Variants in PTPRQ observed in about 807,000 individuals in gnomAD.
PTPRQ encodes the protein protein tyrosine phosphatase receptor type Q, also known as phosphatidylinositol phosphatase PTPRQ.
In PTPRQ, 199 loss-of-function variants were observed where a neutral mutation model predicts 246.0. That is an observed-to-expected ratio of 0.81 (90% confidence interval 0.72 to 0.91). PTPRQ has a LOEUF of 0.91. Ranked by LOEUF, PTPRQ falls within the 40% of genes least tolerant of loss-of-function variation. The probability of loss-of-function intolerance (pLI) is 0.00; values close to 1 mark genes in which losing one functional copy is unlikely to be tolerated. For missense variants in PTPRQ, 2,624 were observed against 2,528.4 expected (o/e 1.04, Z -0.81); for synonymous variants, 869 against 853.2 (o/e 1.02, Z -0.32).
intron 25 of PTPRQ, among the ~76,000 whole-genome samples, chr12:80,566,414 G>T (rs374918651): frequency 5.3e-5 from 8 of 152,036 alleles, no homozygotes; most frequent in East Asian, 1.9e-4. Flanking sequence ...GGAGGCGGAG[G>T]TTGCAGTGAG....
chr12:80,576,456 GA>G (rs11317876), intron 25 of PTPRQ, among the ~76,000 whole-genome samples: 2,462 of 142,348 alleles, frequency 0.017, 99 homozygotes, highest in East Asian at 0.15. Flanking sequence ...GTTTTTAGAA[GA>G]AAAAAAAAAA....
chr12:80,583,274 C>T (rs919728898), intron 25 of PTPRQ, among the ~76,000 whole-genome samples: 2 of 152,168 alleles, frequency 1.3e-5, no homozygotes, highest in African/African-American at 4.8e-5. Flanking sequence ...GAGAGAAAAT[C>T]TGTTATGTAC....
intron 25 of PTPRQ, among the ~76,000 whole-genome samples, chr12:80,556,644 C>T (rs1896654849): frequency 6.6e-6 from 1 of 151,928 alleles, no homozygotes; most frequent in South Asian, 2.1e-4. Context: ...AAGAACATTC[C>T]TCTTTTATTG....
chr12:80,549,566 T>C lies in PTPRQ; in HGVS notation c.4117T>C (p.Tyr1373His), dbSNP rs921353701. Residue 1373 changes from tyrosine (Y) to histidine (H), a missense_variant, in exon 25 of 45, where the codon TAT (tyrosine) becomes CAT (histidine). Transcript: ENST00000644991. ...PKKANGIITQ[Y>H]MVTVERNSTK... is the part of the protein sequence containing the mutation. ...AAAGGCAAATGGAATAATAACGCAG[T>C]ATATGGTAACAGTTGAAAGGAATTC... 7.1e-6 allele frequency: 11 copies of C among 1,551,062 alleles called. No individual in the cohort carries two copies. Among genetic ancestry groups the C allele is most frequent in the Non-Finnish European group, 8.7e-6 (10 of 1,146,622 alleles).
intron 3 of PTPRQ, among the ~76,000 whole-genome samples, chr12:80,454,150 C>G (rs557893833): frequency 1.5e-5 from 2 of 132,258 alleles, no homozygotes; most frequent in East Asian, 4.1e-4. Flanking sequence ...AGGCAGACTC[C>G]GTGGGGGTAA....
rs1236689537 is a variant in PTPRQ at position 80,541,550 on chromosome 12, C to A, written c.3155-5C>A. On this transcript the variant is annotated splice_region_variant and splice_polypyrimidine_tract_variant and intron_variant, in intron 20 of 44. Coordinates refer to ENST00000644991, the MANE Select transcript of PTPRQ (RefSeq NM_001145026.2). ...TTTTTGTATTTTGCCCATTACCTAT[C>A]ATAGTACCTGAAGGGTTTGTTGGAA... 1.8e-5 allele frequency: 27 copies of A among 1,488,572 alleles called. No individual in the cohort carries two copies. The highest frequency in any genetic ancestry group is 2.3e-5 in the Non-Finnish European group (26 of 1,116,966). 92.2% of individuals were successfully genotyped at this position (1,488,572 alleles called of 1,614,324 possible). A position where few individuals can be genotyped will look rare whatever the true frequency, so the allele number is the denominator to read the frequency against.
At chr12:80,477,044 T>A (rs1413719949) in intron 8 of PTPRQ, among the ~76,000 whole-genome samples, 3 of 152,200 alleles carry the variant, frequency 2.0e-5, no homozygotes, top group Non-Finnish European at 2.9e-5. Context: ...CCGTTACTCC[T>A]GTGAAACTGG....
At position 80,535,226 on chromosome 12, in the gene PTPRQ, GACAC is replaced by G. The variant is rs5799482; in HGVS notation, c.2985+207_2985+210del. Among the ~76,000 whole-genome samples, 138,543 of 151,274 alleles carry G rather than the reference GACAC, an allele frequency of 0.92. 63,833 individuals are homozygous for G. Among genetic ancestry groups the G allele is most frequent in the African/African-American group, 0.95 (39,365 of 41,352 alleles). ...CAGATACATTTAATCTCTCTTTACA[GACAC>G]ACACACACACACACACATACAACTT... On this transcript the variant is annotated intron_variant, in intron 19 of 44. Coordinates refer to ENST00000644991, the MANE Select transcript of PTPRQ (RefSeq NM_001145026.2).
Position 80,549,703 on chromosome 12 carries a change from C to T in PTPRQ, c.4254C>T (p.Ser1418=), listed in dbSNP as rs916172877. 1 of 1,550,604 alleles carries T rather than the reference C, an allele frequency of 6.4e-7. No homozygotes were observed. The highest frequency in any genetic ancestry group is 1.2e-5 in the South Asian group (1 of 83,930). The change falls in exon 25 of 45, where the codon AGC becomes AGT. Residue 1418 remains serine, a synonymous_variant. Coordinates refer to ENST00000644991, the MANE Select transcript of PTPRQ (RefSeq NM_001145026.2). ...ASTSAGEGDE[S]TCHVSTLPET... is the part of the protein sequence containing the mutation. ...CCTCAGCTGGTGAAGGTGATGAAAG[C>T]ACATGCCATGTCAGCACACTACCTG...
At position 80,658,020 on chromosome 12, in the gene PTPRQ, A is replaced by G; in HGVS notation, c.6151A>G (p.Ser2051Gly). Reference sequence around the variant, plus strand: ...CAGAGTAAAGCTGATAGCTGACGCTAGTGTTCCAGGTTCGGATTATATTAA... The same window carrying G: ...CAGAGTAAAGCTGATAGCTGACGCTGGTGTTCCAGGTTCGGATTATATTAA... ...NNRVKLIADASVPGSDYINAS... is the reference protein window; with the variant it reads ...NNRVKLIADAGVPGSDYINAS... The change falls in exon 39 of 45, where the codon AGT becomes GGT. Residue 2051 changes from serine (S) to glycine (G), a missense_variant. Ser to Gly is a moderately conservative substitution (Grantham distance 56, BLOSUM62 0). Coordinates refer to ENST00000644991, the MANE Select transcript of PTPRQ (RefSeq NM_001145026.2). 2 of 1,442,936 alleles carry G rather than the reference A, an allele frequency of 1.4e-6. No homozygotes were observed. Among genetic ancestry groups the G allele is most frequent in the Non-Finnish European group, 1.8e-6 (2 of 1,095,538 alleles). 89.4% of individuals were successfully genotyped at this position (1,442,936 alleles called of 1,614,324 possible).
chr12:80,560,239 T>C (rs1224565796), intron 25 of PTPRQ, among the ~76,000 whole-genome samples: 1 of 152,188 alleles, frequency 6.6e-6, no homozygotes. Context: ...AGCTCTTTGA[T>C]TTTGTCAAAG....
intron 25 of PTPRQ, among the ~76,000 whole-genome samples, chr12:80,554,167 C>T (rs1002624411): frequency 3.9e-5 from 6 of 152,038 alleles, no homozygotes; most frequent in Non-Finnish European, 5.9e-5. Flanking sequence ...AACAGGGTGA[C>T]TAGTCAATAA....
intron 17 of PTPRQ, among the ~76,000 whole-genome samples, chr12:80,517,960 C>G (rs1895356523): frequency 6.6e-6 from 1 of 152,132 alleles, no homozygotes. Context: ...GCAGATATCT[C>G]TTCCATATAC....
rs904980945 is a variant in PTPRQ, at chr12:80,563,345, G to A, written c.4285+13611G>A. 6.3e-4 allele frequency among the ~76,000 whole-genome samples: 95 copies of A among 151,834 alleles called. 4 individuals carry two copies. Among genetic ancestry groups the A allele is most frequent in the East Asian group, 7.8e-4 (4 of 5,120 alleles). On this transcript the variant is annotated intron_variant, in intron 25 of 44. Coordinates refer to ENST00000644991, the MANE Select transcript of PTPRQ (RefSeq NM_001145026.2). ...AGCACTCTGCAGCCTAATCCCACTC[G>A]TGATTACTGCCCTAATCCCACTCGT...
At chr12:80,478,744 G>A (rs943496933) in intron 8 of PTPRQ, among the ~76,000 whole-genome samples, 1 of 152,180 alleles carries the variant, frequency 6.6e-6, no homozygotes, top group Admixed American at 6.5e-5. Flanking sequence ...AGCCTCAGGA[G>A]CCGATGCGAT....
Position 80,480,476 on chromosome 12 carries a change from G to C in PTPRQ, c.1187-3957G>C, listed in dbSNP as rs928592304. Among the ~76,000 whole-genome samples, 3 of 149,028 alleles carry C rather than the reference G, an allele frequency of 2.0e-5. No individual in the cohort carries two copies. In the East Asian group the frequency reaches 5.9e-4, roughly 29 times the overall value. On this transcript the variant is annotated intron_variant, in intron 8 of 44. Transcript: ENST00000644991. ...ACAATTAAAAGAACTAGAAAAGCAAGAGCAAACACATTCAAAAGCTAGCAG... is the reference window on the plus strand; with the variant it reads ...ACAATTAAAAGAACTAGAAAAGCAACAGCAAACACATTCAAAAGCTAGCAG...
At chr12:80,509,155 C>A (rs1212313294) in intron 16 of PTPRQ, among the ~76,000 whole-genome samples, 1 of 151,928 alleles carries the variant, frequency 6.6e-6, no homozygotes, top group Non-Finnish European at 1.5e-5. Context: ...GTGAAAATAA[C>A]AGAATGAAAA....
At chr12:80,559,118 C>T (rs1565786245) in intron 25 of PTPRQ, among the ~76,000 whole-genome samples, 1 of 152,162 alleles carries the variant, frequency 6.6e-6, no homozygotes, top group Non-Finnish European at 1.5e-5. Flanking sequence ...AATCTCAGCT[C>T]ACCGGAACCT....
intron 27 of PTPRQ, among the ~76,000 whole-genome samples, chr12:80,609,423 A>G (rs555291180): frequency 6.6e-6 from 1 of 150,792 alleles, no homozygotes; most frequent in African/African-American, 2.4e-5. Flanking sequence ...TTCACTGTGT[A>G]TAAAACCTGG....
Sources: allele counts gnomAD v4.1 joint callset (sites outside exome capture counted in the v4.1 genomes callset), GRCh38; gene constraint gnomAD v4.1.1; transcripts MANE v1.5; gene names NCBI Gene and HGNC (gene_info 2026-07-23, HGNC 2026-07-21).